The following PRKAG2 variants were observed in gnomAD, a reference collection of about 807,000 sequenced individuals.
The protein encoded by PRKAG2 is protein kinase AMP-activated non-catalytic subunit gamma 2, also known as 5'-AMP-activated protein kinase subunit gamma-2.
A neutral mutation model predicts 69.6 loss-of-function variants in PRKAG2; 26 were observed. The ratio of observed to expected loss-of-function variants is 0.37; its 90% confidence interval spans 0.27 to 0.52. PRKAG2 has a LOEUF of 0.52. Among genes scored for constraint, PRKAG2 ranks in the 20% least tolerant of loss-of-function variants. The pLI is 0.90. For synonymous variants in PRKAG2, 293 were observed against 285.0 expected (o/e 1.03, Z -0.28); for missense variants, 557 against 740.0 (o/e 0.75, Z 2.87).
chr7:151,824,207 T>C (rs746342900), intron 1 of PRKAG2, among the ~76,000 whole-genome samples: 9 of 152,228 alleles, frequency 5.9e-5, no homozygotes, highest in Non-Finnish European at 1.2e-4. Flanking sequence ...ATATTCATAA[T>C]ATTCTATGAC....
At chr7:151,821,759 T>A (rs140226485) in intron 1 of PRKAG2, among the ~76,000 whole-genome samples, 7 of 152,338 alleles carry the variant, frequency 4.6e-5, no homozygotes, top group African/African-American at 1.7e-4. Flanking sequence ...CAGGTTCAAA[T>A]TCCAGCTTTG....
At position 151,575,759 on chromosome 7, in the gene PRKAG2, G is replaced by GTT. The variant is rs553999970; in HGVS notation, c.946+610_946+611dup. 4.1e-3 allele frequency among the ~76,000 whole-genome samples: 619 copies of GTT among 152,188 alleles called. 5 individuals are homozygous for GTT. Among genetic ancestry groups the GTT allele is most frequent in the African/African-American group, 0.014 (572 of 41,520 alleles). On this transcript the variant is annotated intron_variant, in intron 7 of 15. Transcript: ENST00000287878. ...ATCTGACTGTGGTGTCCTACGTGGGGTTTGTTCATTGGGCTGGTAAAGACA... is the reference window on the plus strand; with the variant it reads ...ATCTGACTGTGGTGTCCTACGTGGGGTTTTTGTTCATTGGGCTGGTAAAGACA...
rs117690714 is a variant in PRKAG2, at chr7:151,814,811, T to C, written c.115-28270A>G. On this transcript the variant is annotated intron_variant, in intron 1 of 15. Transcript: ENST00000287878. The surrounding 1 kb of genome is among the most constrained non-coding windows in gnomAD (Gnocchi z 4.8). ...GGCAGAGCTCGGGCAGATTCCCCCA[T>C]TGACGGGACTGCAGCAAACTGTCAT... The C allele has an allele frequency of 0.028, 34,004 of 1,231,768 alleles. 505 individuals are homozygous for C. Among genetic ancestry groups the C allele is most frequent in the Non-Finnish European group, 0.032 (31,152 of 987,994 alleles). The allele number at this position is 1,231,768 out of a possible 1,614,324, so 76.3% of individuals were successfully genotyped here. A position where few individuals can be genotyped will look rare whatever the true frequency, so the allele number is the denominator to read the frequency against.
intron 6 of PRKAG2, among the ~76,000 whole-genome samples, chr7:151,586,479 G>A (rs547251784): frequency 6.6e-6 from 1 of 152,030 alleles, no homozygotes; most frequent in East Asian, 1.9e-4. Flanking sequence ...CCTCTTCTCC[G>A]CAACTCCTCC....
chr7:151,814,513 G>T lies in PRKAG2; in HGVS notation c.115-27972C>A. 1 of 1,231,150 alleles carries T rather than the reference G, an allele frequency of 8.1e-7. No homozygotes were observed. Among genetic ancestry groups the T allele is most frequent in the Non-Finnish European group, 1.0e-6 (1 of 987,978 alleles). The allele number at this position is 1,231,150 out of a possible 1,614,324, so 76.3% of individuals were successfully genotyped here. ...TGGCAGGATGCGAGTGACGGGGACG[G>T]GCGGCACTCCCAGCTCTGACAAATC... is the stretch of plus-strand genomic sequence containing the variant. On this transcript the variant is annotated intron_variant, in intron 1 of 15. Coordinates refer to ENST00000287878, the MANE Select transcript of PRKAG2 (RefSeq NM_016203.4). This position sits in a 1 kb window ranked among gnomAD's most constrained non-coding sequence, Gnocchi z 4.8.
At chr7:151,750,640 C>A (rs1395603826) in intron 3 of PRKAG2, among the ~76,000 whole-genome samples, 1 of 152,068 alleles carries the variant, frequency 6.6e-6, no homozygotes, top group Admixed American at 6.6e-5. Flanking sequence ...GTGAGGTTTC[C>A]ATTTGGGGTG....
At chr7:151,716,061 CTG>C (rs776547072) in intron 3 of PRKAG2, among the ~76,000 whole-genome samples, 1 of 152,060 alleles carries the variant, frequency 6.6e-6, no homozygotes. Context: ...AGTTTGTAGT[CTG>C]GGGTTGAGCA....
At position 151,632,641 on chromosome 7, in the gene PRKAG2, G is replaced by C. The variant is rs1824959824; in HGVS notation, c.685-503C>G. The C allele has an allele frequency of 1.0e-6, 1 of 983,234 alleles. No individual in the cohort carries two copies. Among genetic ancestry groups the C allele is most frequent in the Non-Finnish European group, 1.2e-6 (1 of 828,126 alleles). The allele number at this position is 983,234 out of a possible 1,614,324, so 60.9% of individuals were successfully genotyped here. On this transcript the variant is annotated intron_variant, in intron 4 of 15. Coordinates refer to ENST00000287878, the MANE Select transcript of PRKAG2 (RefSeq NM_016203.4). This position sits in a 1 kb window ranked among gnomAD's most constrained non-coding sequence, Gnocchi z 4.2. Reference sequence around the variant, plus strand: ...GTGTGGGCTCCGCGGCGCGGGGAGGGGGAGAGGGGCTGGAGGCTGCAGAAC... The same window carrying C: ...GTGTGGGCTCCGCGGCGCGGGGAGGCGGAGAGGGGCTGGAGGCTGCAGAAC...
chr7:151,786,829 AG>A (rs1251108001), intron 1 of PRKAG2, among the ~76,000 whole-genome samples: 1 of 152,236 alleles, frequency 6.6e-6, no homozygotes, highest in African/African-American at 2.4e-5. Context: ...TCAGGAAGGC[AG>A]GCAGAAAGGG....
Position 151,618,743 on chromosome 7 carries a change from C to T in PRKAG2, c.754+13326G>A, listed in dbSNP as rs535636320. 6.6e-5 allele frequency among the ~76,000 whole-genome samples: 10 copies of T among 152,104 alleles called. No homozygotes were observed. In the South Asian group the frequency reaches 2.1e-3, roughly 32 times the overall value. On this transcript the variant is annotated intron_variant, in intron 5 of 15. Transcript: ENST00000287878. ...TCGCACCATTGCACTCTAGCCTGGACGACAGAGAGAGATTCCGTCTCAAAA... is the reference window on the plus strand; with the variant it reads ...TCGCACCATTGCACTCTAGCCTGGATGACAGAGAGAGATTCCGTCTCAAAA...
At chr7:151,796,096 C>A (rs561748313) in intron 1 of PRKAG2, among the ~76,000 whole-genome samples, 4 of 151,644 alleles carry the variant, frequency 2.6e-5, no homozygotes, top group African/African-American at 4.8e-5. Context: ...CTTGGTTCTC[C>A]TTCTCTGCAG....
At chr7:151,605,439 A>G (rs1420732369) in intron 5 of PRKAG2, among the ~76,000 whole-genome samples, 2 of 152,086 alleles carry the variant, frequency 1.3e-5, no homozygotes, top group Non-Finnish European at 2.9e-5. Context: ...AAATTTTTTT[A>G]AATTAAATTT....
intron 5 of PRKAG2, among the ~76,000 whole-genome samples, chr7:151,616,118 T>C (rs1820075828): frequency 6.6e-6 from 1 of 152,062 alleles, no homozygotes; most frequent in Non-Finnish European, 1.5e-5. Flanking sequence ...GTGCTGTGGG[T>C]GGTGGGGGCG....
intron 3 of PRKAG2, among the ~76,000 whole-genome samples, chr7:151,723,826 G>A (rs1002428480): frequency 6.6e-6 from 1 of 152,126 alleles, no homozygotes; most frequent in Admixed American, 6.5e-5. Flanking sequence ...TGCAGCAGAC[G>A]CAGGCGTTTC....
intron 6 of PRKAG2, among the ~76,000 whole-genome samples, chr7:151,590,875 A>G (rs4725411): frequency 0.19 from 29,038 of 152,248 alleles, 3,374 homozygotes; most frequent in African/African-American, 0.32. Context: ...GTTCATTAAC[A>G]TTTTGTGCAC....
At chr7:151,732,184 C>A (rs527822417) in intron 3 of PRKAG2, among the ~76,000 whole-genome samples, 6 of 132,572 alleles carry the variant, frequency 4.5e-5, no homozygotes, top group African/African-American at 1.8e-4. Flanking sequence ...GTCACCCAGG[C>A]GGGAGTGCAG....
At chr7:151,624,137 CGTGTGTGTGTGT>C (rs58644630) in intron 5 of PRKAG2, among the ~76,000 whole-genome samples, 2 of 145,082 alleles carry the variant, frequency 1.4e-5, no homozygotes, top group Non-Finnish European at 3.0e-5. Context: ...CAGAAGGCAG[CGTGTGTGTGTGT>C]GTGTGTGTGT....
chr7:151,723,115 C>T (rs955788386), intron 3 of PRKAG2, among the ~76,000 whole-genome samples: 25 of 152,156 alleles, frequency 1.6e-4, no homozygotes, highest in African/African-American at 5.3e-4. Context: ...ACCACAGTGA[C>T]GTTGTGCATC....
At chr7:151,753,717 C>A (rs2074869359) in intron 3 of PRKAG2, among the ~76,000 whole-genome samples, 1 of 152,060 alleles carries the variant, frequency 6.6e-6, no homozygotes, top group Non-Finnish European at 1.5e-5. Context: ...TCGCCCAGCC[C>A]TAAAGTGTTA....
Sources: allele counts gnomAD v4.1 joint callset (sites outside exome capture counted in the v4.1 genomes callset), GRCh38; gene constraint gnomAD v4.1.1; non-coding constraint Gnocchi (gnomAD v3.1); transcripts MANE v1.5; gene names NCBI Gene and HGNC (gene_info 2026-07-23, HGNC 2026-07-21).